The following CNTN4 variants were observed in gnomAD, a reference collection of about 807,000 sequenced individuals.
CNTN4 encodes contactin-4.
A neutral mutation model predicts 122.5 loss-of-function variants in CNTN4; 77 were observed. That is an observed-to-expected ratio of 0.63 (90% CI 0.52 to 0.76). CNTN4 has a LOEUF of 0.76. Among genes scored for constraint, CNTN4 ranks in the 30% least tolerant of loss-of-function variants. The pLI, the probability that CNTN4 is intolerant of heterozygous loss-of-function variation, is 0.00. For missense variants in CNTN4, 1,256 were observed against 1,259.1 expected (o/e 1.00, Z 0.04); for synonymous variants, 512 against 447.0 (o/e 1.15, Z -1.83).
chr3:2,778,175 C>A (rs1333608627), intron 6 of CNTN4, among the ~76,000 whole-genome samples: 1 of 141,256 alleles, frequency 7.1e-6, no homozygotes, highest in Non-Finnish European at 1.5e-5. Context: ...GATCGCGCCA[C>A]TGCACTCCAG....
At chr3:2,142,924 G>T (rs1038851774) in intron 2 of CNTN4, among the ~76,000 whole-genome samples, 2 of 152,214 alleles carry the variant, frequency 1.3e-5, no homozygotes, top group Non-Finnish European at 2.9e-5. Flanking sequence ...GCCAGGCAAT[G>T]ACAGTGTACT....
intron 22 of CNTN4, among the ~76,000 whole-genome samples, chr3:3,043,369 A>G (rs1700337433): frequency 6.6e-6 from 1 of 152,134 alleles, no homozygotes; most frequent in African/African-American, 2.4e-5. Flanking sequence ...TTTTCTCCTC[A>G]CTGGGAAGGG....
intron 12 of CNTN4, among the ~76,000 whole-genome samples, chr3:2,911,450 C>A (rs1174959163): frequency 6.6e-6 from 1 of 152,188 alleles, no homozygotes; most frequent in Non-Finnish European, 1.5e-5. Flanking sequence ...GGACTGATTG[C>A]TCTCAGACTG....
intron 2 of CNTN4, among the ~76,000 whole-genome samples, chr3:2,138,498 G>A (rs1479209636): frequency 6.6e-6 from 1 of 152,126 alleles, no homozygotes; most frequent in Non-Finnish European, 1.5e-5. Context: ...TTGTTTCTGG[G>A]TGTTTCTGTG....
chr3:2,594,994 A>G (rs892644709), intron 4 of CNTN4, among the ~76,000 whole-genome samples: 2 of 152,210 alleles, frequency 1.3e-5, no homozygotes, highest in African/African-American at 4.8e-5. Context: ...ATTAGTCCCA[A>G]TTCCATCTCA....
chr3:2,463,165 T>C (rs970362142), intron 3 of CNTN4, among the ~76,000 whole-genome samples: 2 of 151,844 alleles, frequency 1.3e-5, no homozygotes, highest in Admixed American at 6.6e-5. Flanking sequence ...AAGACCAAGA[T>C]ATAAATGAAA....
intron 6 of CNTN4, among the ~76,000 whole-genome samples, chr3:2,765,214 T>C (rs1162640148): frequency 6.6e-6 from 1 of 152,148 alleles, no homozygotes; most frequent in African/African-American, 2.4e-5. Flanking sequence ...CTGAGTGTAG[T>C]ACAAAGAGAT....
intron 3 of CNTN4, among the ~76,000 whole-genome samples, chr3:2,417,987 A>T (rs1162601109): frequency 2.0e-5 from 3 of 152,172 alleles, no homozygotes; most frequent in Non-Finnish European, 1.5e-5. Flanking sequence ...ATTTGGGGTG[A>T]TGGAGAGATT....
At chr3:2,672,477 G>C (rs2084585112) in intron 4 of CNTN4, among the ~76,000 whole-genome samples, 1 of 152,164 alleles carries the variant, frequency 6.6e-6, no homozygotes, top group African/African-American at 2.4e-5. Flanking sequence ...GCAGTATTAG[G>C]GTGGGAGTGA....
intron 2 of CNTN4, among the ~76,000 whole-genome samples, chr3:2,128,236 A>G (rs752600297): frequency 2.0e-5 from 3 of 152,230 alleles, no homozygotes; most frequent in Admixed American, 6.5e-5. Flanking sequence ...TGAGCCAATC[A>G]GTCACTGGTG....
intron 2 of CNTN4, among the ~76,000 whole-genome samples, chr3:2,182,827 C>T (rs1298919802): frequency 6.6e-6 from 1 of 151,080 alleles, no homozygotes; most frequent in East Asian, 1.9e-4. Flanking sequence ...CAACTCAGCA[C>T]AGGTTTTTTT....
At chr3:2,560,719 C>G (rs1407631993) in intron 3 of CNTN4, among the ~76,000 whole-genome samples, 1 of 152,168 alleles carries the variant, frequency 6.6e-6, no homozygotes, top group South Asian at 2.1e-4. Context: ...CATTTGTGCA[C>G]TGTTGCAGCC....
intron 2 of CNTN4, among the ~76,000 whole-genome samples, chr3:2,242,364 A>G (rs1377002664): frequency 6.6e-6 from 1 of 152,110 alleles, no homozygotes; most frequent in Non-Finnish European, 1.5e-5. Flanking sequence ...GAGGCTATAT[A>G]TGTTATTCAG....
chr3:2,587,655 C>A (rs191551305), intron 4 of CNTN4, among the ~76,000 whole-genome samples: 1 of 152,036 alleles, frequency 6.6e-6, no homozygotes, highest in Non-Finnish European at 1.5e-5. Context: ...GCTATGCGCT[C>A]GATTCAGTTG....
At chr3:2,964,875 C>A (rs1424973441) in intron 13 of CNTN4, among the ~76,000 whole-genome samples, 1 of 152,096 alleles carries the variant, frequency 6.6e-6, no homozygotes, top group Non-Finnish European at 1.5e-5. Context: ...AGTTGTTTCC[C>A]CTTCACATCA....
chr3:2,392,306 T>A (rs1301127697), intron 3 of CNTN4, among the ~76,000 whole-genome samples: 1 of 149,102 alleles, frequency 6.7e-6, no homozygotes, highest in African/African-American at 2.5e-5. Context: ...TAAAGTCACT[T>A]AGCTTGTTTT....
chr3:2,287,700 GAAGAAGAA>G, intron 2 of CNTN4, among the ~76,000 whole-genome samples: 1 of 78,474 alleles, frequency 1.3e-5, no homozygotes, highest in South Asian at 5.7e-4. Flanking sequence ...AGAGGAAGAA[GAAGAAGAA>G]GAGGAAGAAG....
chr3:2,659,861 T>A (rs2083791168), intron 4 of CNTN4, among the ~76,000 whole-genome samples: 1 of 152,218 alleles, frequency 6.6e-6, no homozygotes, highest in African/African-American at 2.4e-5. Context: ...TTAAACCCAA[T>A]AACATGTAAA....
intron 7 of CNTN4, among the ~76,000 whole-genome samples, chr3:2,822,043 A>C (rs2092887323): frequency 6.6e-6 from 1 of 152,218 alleles, no homozygotes; most frequent in Non-Finnish European, 1.5e-5. Context: ...AATACGAAGG[A>C]GAGGTGGGAG....
Sources: allele counts gnomAD v4.1 joint callset (sites outside exome capture counted in the v4.1 genomes callset), GRCh38; gene constraint gnomAD v4.1.1; transcripts MANE v1.5; gene names NCBI Gene and HGNC (gene_info 2026-07-23, HGNC 2026-07-21).